PCDHGA10: variants seen among roughly 807,000 people sequenced by gnomAD.
The protein encoded by PCDHGA10 is protocadherin gamma subfamily A, 10.
A neutral mutation model predicts 59.5 loss-of-function variants in PCDHGA10; 42 were observed. That is an observed-to-expected ratio of 0.71 (90% CI 0.55 to 0.91). PCDHGA10 has a LOEUF of 0.91. Ranked by LOEUF, PCDHGA10 falls within the 40% of genes least tolerant of loss-of-function variation. The pLI is 0.00. For synonymous variants in PCDHGA10, 511 were observed against 517.2 expected (o/e 0.99, Z 0.16); for missense variants, 1,111 against 1,198.2 (o/e 0.93, Z 1.07).
At chr5:141,423,702 C>T in intron 1 of PCDHGA10, 4 of 1,340,970 alleles carry the variant, frequency 3.0e-6, no homozygotes, top group South Asian at 1.6e-5. Flanking sequence ...GGTGTCTTGG[C>T]ACAAGTCTTT....
intron 1 of PCDHGA10, chr5:141,423,553 T>G: frequency 2.5e-6 from 4 of 1,613,548 alleles, no homozygotes; most frequent in Non-Finnish European, 3.4e-6. Flanking sequence ...CCAGCCCAAC[T>G]ATGGGGACAC....
chr5:141,510,435 C>T (rs938448523), intron 3 of PCDHGA10, among the ~76,000 whole-genome samples: 2 of 152,108 alleles, frequency 1.3e-5, no homozygotes, highest in Non-Finnish European at 2.9e-5. Context: ...ATGGCTGCTG[C>T]CCTCCAGGAG....
In PCDHGA10 at chr5:141,490,007, C is replaced by T. The variant is rs766407642; in HGVS notation, c.2437-4800C>T. On this transcript the variant is annotated intron_variant, in intron 1 of 3. Coordinates refer to ENST00000398610, the MANE Select transcript of PCDHGA10 (RefSeq NM_018913.3). The surrounding 1 kb of genome is among the most constrained non-coding windows in gnomAD (Gnocchi z 5.4). ...CGTGTGGGAATCCCAGAGAATGCACCCATTGGTACTCTGCTGCTCCGCCTC... is the reference window on the plus strand; with the variant it reads ...CGTGTGGGAATCCCAGAGAATGCACTCATTGGTACTCTGCTGCTCCGCCTC... 6.2e-7 allele frequency: 1 copy of T among 1,614,200 alleles called. No homozygotes were observed. The highest frequency in any genetic ancestry group is 8.5e-7 in the Non-Finnish European group (1 of 1,180,016).
intron 2 of PCDHGA10, among the ~76,000 whole-genome samples, chr5:141,502,866 C>CTTTTTTCTT (rs2099816532): frequency 7.8e-6 from 1 of 128,046 alleles, no homozygotes; most frequent in African/African-American, 3.1e-5. Context: ...GACTCTCTGT[C>CTTTTTTCTT]TTTTTTTTTT....
At chr5:141,465,284 A>C (rs2099100147) in intron 1 of PCDHGA10, among the ~76,000 whole-genome samples, 1 of 152,176 alleles carries the variant, frequency 6.6e-6, no homozygotes, top group African/African-American at 2.4e-5. Flanking sequence ...TTCACCCCTA[A>C]AGAACTGAGA....
At chr5:141,429,613 G>A (rs1374650357) in intron 1 of PCDHGA10, among the ~76,000 whole-genome samples, 2 of 152,084 alleles carry the variant, frequency 1.3e-5, no homozygotes, top group African/African-American at 2.4e-5. Flanking sequence ...TCAATTTTAT[G>A]TCTGATATTT....
intron 1 of PCDHGA10, among the ~76,000 whole-genome samples, chr5:141,448,180 G>C (rs961721974): frequency 1.3e-5 from 2 of 151,998 alleles, no homozygotes; most frequent in African/African-American, 2.4e-5. Flanking sequence ...TTCATCCCTG[G>C]TTATGTACAC....
Position 141,490,942 on chromosome 5 carries a change from C to T in PCDHGA10, c.2437-3865C>T, listed in dbSNP as rs371286343. On this transcript the variant is annotated intron_variant, in intron 1 of 3. Coordinates refer to ENST00000398610, the MANE Select transcript of PCDHGA10 (RefSeq NM_018913.3). This position sits in a 1 kb window ranked among gnomAD's most constrained non-coding sequence, Gnocchi z 5.4. ...TAATGCCCCAGCTGTGCTGCACCCA[C>T]GGCCAGACTGGGAACACTCAGCCCC... 8.7e-5 allele frequency: 141 copies of T among 1,613,526 alleles called. No individual in the cohort carries two copies. Among genetic ancestry groups the T allele is most frequent in the Non-Finnish European group, 1.1e-4 (126 of 1,179,768 alleles).
In PCDHGA10 at chr5:141,490,023, G is replaced by A. The variant is rs1306715385; in HGVS notation, c.2437-4784G>A. The A allele has an allele frequency of 1.2e-6, 2 of 1,614,134 alleles. No homozygotes were observed. Among genetic ancestry groups the A allele is most frequent in the Non-Finnish European group, 1.7e-6 (2 of 1,180,060 alleles). On this transcript the variant is annotated intron_variant, in intron 1 of 3. Transcript: ENST00000398610. This position sits in a 1 kb window ranked among gnomAD's most constrained non-coding sequence, Gnocchi z 5.4. ...AGAATGCACCCATTGGTACTCTGCT[G>A]CTCCGCCTCAATGCCACTGATCCAG... is the stretch of plus-strand genomic sequence containing the variant.
chr5:141,421,513 C>G lies in PCDHGA10; in HGVS notation c.2436+5902C>G, dbSNP rs368199651. ...GGCAGGCAGGATAGACCGGGAGGAG[C>G]TCTGTGAGACGGTGTCCTCCTGTTT... On this transcript the variant is annotated intron_variant, in intron 1 of 3. Coordinates refer to ENST00000398610, the MANE Select transcript of PCDHGA10 (RefSeq NM_018913.3). 61 of 1,614,078 alleles carry G rather than the reference C, an allele frequency of 3.8e-5. No individual in the cohort carries two copies. The African/African-American group carries it at 7.5e-4, about 20-fold the overall frequency.
chr5:141,431,032 C>T lies in PCDHGA10; in HGVS notation c.2436+15421C>T. 1 of 1,614,008 alleles carries T rather than the reference C, an allele frequency of 6.2e-7. No individual in the cohort carries two copies. The highest frequency in any genetic ancestry group is 2.2e-5 in the East Asian group (1 of 44,848). On this transcript the variant is annotated intron_variant, in intron 1 of 3. Transcript: ENST00000398610. This position sits in a 1 kb window ranked among gnomAD's most constrained non-coding sequence, Gnocchi z 4.8. ...GCTTGGTCACGGCGGGCAGGATAGA[C>T]CGGGAGGAGCTCTGTATGGGGGCCA...
Position 141,476,559 on chromosome 5 carries a change from T to C in PCDHGA10, c.2437-18248T>C. The stretch of plus-strand genomic sequence containing the variant: ...ATGAAATTGGAGATTAGCGAGGCCG[T>C]GGCTCCGGGGACGCGCTTTCCGCTC... On this transcript the variant is annotated intron_variant, in intron 1 of 3. Coordinates refer to ENST00000398610, the MANE Select transcript of PCDHGA10 (RefSeq NM_018913.3). This position sits in a 1 kb window ranked among gnomAD's most constrained non-coding sequence, Gnocchi z 7.6. 4 of 1,614,228 alleles carry C rather than the reference T, an allele frequency of 2.5e-6. No homozygotes were observed. Among genetic ancestry groups the C allele is most frequent in the Non-Finnish European group, 3.4e-6 (4 of 1,180,036 alleles).
intron 1 of PCDHGA10, 110 bp downstream of exon 1, chr5:141,415,721 G>A (rs1201366552): frequency 3.0e-6 from 2 of 675,878 alleles, no homozygotes; most frequent in Admixed American, 7.4e-5. Context: ...CTGATGAGTA[G>A]AATTTGATGT....
chr5:141,419,443 C>G lies in PCDHGA10; in HGVS notation c.2436+3832C>G, dbSNP rs1476796525. ...TCGACCACGAGCAGCTGCGCACCTT[C>G]GAGCTCACGCTGCAGGCCCGCGACC... On this transcript the variant is annotated intron_variant, in intron 1 of 3. Coordinates refer to ENST00000398610, the MANE Select transcript of PCDHGA10 (RefSeq NM_018913.3). 6.2e-7 allele frequency: 1 copy of G among 1,613,080 alleles called. No individual in the cohort carries two copies. Among genetic ancestry groups the G allele is most frequent in the Non-Finnish European group, 8.5e-7 (1 of 1,179,758 alleles).
rs142703691 is a variant in PCDHGA10 at position 141,489,691 on chromosome 5, C to T, written c.2437-5116C>T. On this transcript the variant is annotated intron_variant, in intron 1 of 3. Transcript: ENST00000398610. The surrounding 1 kb of genome is among the most constrained non-coding windows in gnomAD (Gnocchi z 4.5). ...CTCAGAATCAGCAGCATCTGGGGCACGATTCCCACTGGACAGTGCCCAGGA... is the reference window on the plus strand; with the variant it reads ...CTCAGAATCAGCAGCATCTGGGGCATGATTCCCACTGGACAGTGCCCAGGA... 8.1e-6 allele frequency: 13 copies of T among 1,614,164 alleles called. No individual in the cohort carries two copies. The highest frequency in any genetic ancestry group is 3.3e-5 in the South Asian group (3 of 91,080).
At position 141,490,475 on chromosome 5, in the gene PCDHGA10, T is replaced by C. The variant is rs769951029; in HGVS notation, c.2437-4332T>C. On this transcript the variant is annotated intron_variant, in intron 1 of 3. Coordinates refer to ENST00000398610, the MANE Select transcript of PCDHGA10 (RefSeq NM_018913.3). This position sits in a 1 kb window ranked among gnomAD's most constrained non-coding sequence, Gnocchi z 5.4. ...TACTCGCTGCTAACCAGCCAGCCTTTGGACCGGGAGGCCACATCCCACTAT... is the reference window on the plus strand; with the variant it reads ...TACTCGCTGCTAACCAGCCAGCCTTCGGACCGGGAGGCCACATCCCACTAT... The C allele has an allele frequency of 3.7e-6, 6 of 1,614,240 alleles. No individual in the cohort carries two copies. The highest frequency in any genetic ancestry group is 5.1e-6 in the Non-Finnish European group (6 of 1,180,038).
chr5:141,494,251 G>C (rs961451413), intron 1 of PCDHGA10, among the ~76,000 whole-genome samples: 2 of 152,214 alleles, frequency 1.3e-5, no homozygotes, highest in African/African-American at 4.8e-5. Context: ...TTAGCTGTGG[G>C]AAGAGATTCT....
intron 2 of PCDHGA10, among the ~76,000 whole-genome samples, chr5:141,501,290 TACACACACACACACACACACAC>T (rs55762287): frequency 1.4e-4 from 19 of 136,248 alleles, no homozygotes; most frequent in Admixed American, 1.1e-3. Context: ...TATTCCCTTA[TACACACACACACACACACACAC>T]ACACACACAC....
intron 1 of PCDHGA10, among the ~76,000 whole-genome samples, chr5:141,483,517 CCTGA>C (rs72004558): frequency 0.16 from 24,470 of 151,950 alleles, 2,064 homozygotes; most frequent in African/African-American, 0.21. Context: ...CCCCCTAGAT[CCTGA>C]CTAAGGAAGC....
Sources: gnomAD v4.1 joint callset for allele counts (sites outside exome capture counted in the v4.1 genomes callset) on GRCh38, gnomAD v4.1.1 for gene constraint, Gnocchi (gnomAD v3.1) non-coding constraint, MANE v1.5 for transcripts, NCBI Gene and HGNC (gene_info 2026-07-23, HGNC 2026-07-21) for gene names.